The following STXBP5 variants were observed in gnomAD, a reference collection of about 807,000 sequenced individuals.
STXBP5 encodes syntaxin binding protein 5.
STXBP5 carries 50 observed loss-of-function variants against 152.4 expected under a neutral mutation model. The ratio of observed to expected loss-of-function variants is 0.33; its 90% CI spans 0.26 to 0.42. STXBP5 has a LOEUF of 0.42. Ranked by LOEUF, STXBP5 falls within the 10% of genes least tolerant of loss-of-function variation. The pLI, the probability that STXBP5 is intolerant of heterozygous loss-of-function variation, is 1.00. For missense variants in STXBP5, 1,167 were observed against 1,388.6 expected, an observed-to-expected ratio of 0.84 and a Z score of 2.54; for synonymous variants, 492 against 494.7, an observed-to-expected ratio of 0.99 and a Z score of 0.07.
intron 2 of STXBP5, among the ~76,000 whole-genome samples, chr6:147,209,499 AG>A (rs1295977350): frequency 1.3e-5 from 2 of 152,054 alleles, no homozygotes; most frequent in African/African-American, 4.8e-5. Context: ...TCCTTGAATT[AG>A]TTTTTTTTTT....
At chr6:147,285,772 T>A (rs1472598380) in intron 8 of STXBP5, among the ~76,000 whole-genome samples, 3 of 152,196 alleles carry the variant, frequency 2.0e-5, no homozygotes, top group African/African-American at 7.2e-5. Flanking sequence ...TGGAAGCGTT[T>A]AGCAAATACC....
At chr6:147,257,372 C>G (rs1779421957) in intron 4 of STXBP5, among the ~76,000 whole-genome samples, 1 of 151,396 alleles carries the variant, frequency 6.6e-6, no homozygotes, top group African/African-American at 2.4e-5. Flanking sequence ...AATAAATAAC[C>G]TTATTAGTGT....
At position 147,363,475 on chromosome 6, in the gene STXBP5, C is replaced by T. The variant is rs143796366; in HGVS notation, c.2686C>T (p.Arg896Trp). 397 of 1,614,066 alleles carry T rather than the reference C, an allele frequency of 2.5e-4. No individual in the cohort carries two copies. Among genetic ancestry groups the T allele is most frequent in the South Asian group, 3.3e-4 (30 of 91,080 alleles). ...EKDEKEKLKK[R>W]RPVSVSPSSS... ...AGACGAAAAGGAGAAATTGAAAAAA[C>T]GGCGGCCTGTCTCAGTATCCCCCTC... The change falls in exon 24 of 28, where the codon CGG becomes TGG. Residue 896 changes from arginine (R) to tryptophan (W), a missense_variant. By Grantham distance (101) the Arg-to-Trp change is moderately radical. Transcript: ENST00000321680.
Position 147,260,768 on chromosome 6 carries a change from T to C in STXBP5, c.566+19T>C. The stretch of plus-strand genomic sequence containing the variant: ...TTGAACTGTGAGTTTGAACAAATAT[T>C]TTGTATCTGAAAGCATCAGTTCTAT... On this transcript the variant is annotated intron_variant, in intron 5 of 27. Transcript: ENST00000321680. The C allele has an allele frequency of 6.2e-7, 1 of 1,611,006 alleles. No homozygotes were observed. Among genetic ancestry groups the C allele is most frequent in the Non-Finnish European group, 8.5e-7 (1 of 1,178,744 alleles).
chr6:147,359,384 T>A, intron 23 of STXBP5, 61 bp downstream of exon 23: 1 of 1,543,062 alleles, frequency 6.5e-7, no homozygotes, highest in Non-Finnish European at 8.7e-7. Flanking sequence ...GATAGAAGCC[T>A]TTGTTTTTCA....
intron 4 of STXBP5, among the ~76,000 whole-genome samples, chr6:147,246,464 T>G (rs1778813930): frequency 6.6e-6 from 1 of 152,184 alleles, no homozygotes; most frequent in South Asian, 2.1e-4. Context: ...TGTAAAACCT[T>G]TTCACATAAA....
At chr6:147,328,633 C>T (rs1441274913) in intron 18 of STXBP5, 9 of 439,042 alleles carry the variant, frequency 2.0e-5, no homozygotes, top group Non-Finnish European at 4.2e-5. Context: ...AGATTGTTGT[C>T]CCAACCATAC....
intron 2 of STXBP5, among the ~76,000 whole-genome samples, chr6:147,211,224 G>A (rs1476317837): frequency 3.3e-5 from 5 of 151,118 alleles, no homozygotes; most frequent in African/African-American, 1.2e-4. Flanking sequence ...CAGGAGAATC[G>A]CTTGAACCCG....
chr6:147,272,333 C>T (rs73584531), intron 7 of STXBP5, among the ~76,000 whole-genome samples: 3,249 of 152,142 alleles, frequency 0.021, 88 homozygotes, highest in African/African-American at 0.071. Context: ...AACACAGATG[C>T]CTAAGTCATA....
intron 21 of STXBP5, 45 bp downstream of exon 21, chr6:147,339,429 G>A (rs1322634813): frequency 2.9e-6 from 4 of 1,402,108 alleles, no homozygotes; most frequent in Non-Finnish European, 3.8e-6. Flanking sequence ...CTTGCTATAT[G>A]CAGTGCTAAC....
chr6:147,237,962 T>C (rs1416690497), intron 3 of STXBP5, among the ~76,000 whole-genome samples: 1 of 152,226 alleles, frequency 6.6e-6, no homozygotes, highest in African/African-American at 2.4e-5. Context: ...AACATTCAGA[T>C]GTCTTAATAA....
chr6:147,390,381 G>A lies in STXBP5; in HGVS notation c.*5626G>A, dbSNP rs1224435194. 1 of 151,742 alleles carries A rather than the reference G, an allele frequency of 6.6e-6. No homozygotes were observed. Among genetic ancestry groups the A allele is most frequent in the African/African-American group, 2.4e-5 (1 of 41,344 alleles). 9.4% of individuals were successfully genotyped at this position (151,742 alleles called of 1,614,324 possible). A position where few individuals can be genotyped will look rare whatever the true frequency, so the allele number is the denominator to read the frequency against. On this transcript the variant is annotated 3_prime_UTR_variant, in exon 28 of 28. Coordinates refer to ENST00000321680, the MANE Select transcript of STXBP5 (RefSeq NM_001127715.4). ...TATTATAAATTAATTAATGTTTCTG[G>A]AAAATGTTCATATATATGTATATGA...
chr6:147,279,813 G>A (rs1003780917), intron 8 of STXBP5, among the ~76,000 whole-genome samples: 9 of 152,164 alleles, frequency 5.9e-5, no homozygotes, highest in African/African-American at 2.2e-4. Context: ...TAACCCTGCT[G>A]GAACCTACGA....
chr6:147,288,373 A>C (rs1582894794), intron 8 of STXBP5, among the ~76,000 whole-genome samples: 2 of 152,092 alleles, frequency 1.3e-5, no homozygotes, highest in South Asian at 4.1e-4. Flanking sequence ...ATACTACTGC[A>C]TTTTCATGGC....
At chr6:147,307,750 T>A (rs1387329524) in intron 9 of STXBP5, among the ~76,000 whole-genome samples, 1 of 152,194 alleles carries the variant, frequency 6.6e-6, no homozygotes, top group Non-Finnish European at 1.5e-5. Flanking sequence ...GAAAATTACC[T>A]TGGTGACAGG....
chr6:147,247,875 C>A (rs929564479), intron 4 of STXBP5, among the ~76,000 whole-genome samples: 2 of 151,788 alleles, frequency 1.3e-5, no homozygotes, highest in African/African-American at 4.8e-5. Context: ...TGTTCTAGTT[C>A]CAAAAGGGCC....
chr6:147,322,207 C>G (rs550114843), intron 16 of STXBP5, among the ~76,000 whole-genome samples: 1 of 152,242 alleles, frequency 6.6e-6, no homozygotes, highest in Admixed American at 6.5e-5. Context: ...CCACTCAGAC[C>G]CTTCAGTCTA....
Position 147,292,046 on chromosome 6 carries a change from T to C in STXBP5, c.917+874T>C, listed in dbSNP as rs1425181458. Among the ~76,000 whole-genome samples, 10 of 152,168 alleles carry C rather than the reference T, an allele frequency of 6.6e-5. No homozygotes were observed. The East Asian group carries it at 1.7e-3, about 26-fold the overall frequency. ...GGGACCCAGCAATCTGTGTTTTAACTAGACCTACAGGAAATGCTGATGCAC... is the reference window on the plus strand; with the variant it reads ...GGGACCCAGCAATCTGTGTTTTAACCAGACCTACAGGAAATGCTGATGCAC... On this transcript the variant is annotated intron_variant, in intron 9 of 27. Coordinates refer to ENST00000321680, the MANE Select transcript of STXBP5 (RefSeq NM_001127715.4).
At chr6:147,272,132 T>C (rs1780201519) in intron 7 of STXBP5, among the ~76,000 whole-genome samples, 1 of 152,184 alleles carries the variant, frequency 6.6e-6, no homozygotes, top group South Asian at 2.1e-4. Flanking sequence ...TGAAAATGTT[T>C]CCCACAAAGA....
Sources: allele counts gnomAD v4.1 joint callset (sites outside exome capture counted in the v4.1 genomes callset), GRCh38; gene constraint gnomAD v4.1.1; transcripts MANE v1.5; gene names NCBI Gene and HGNC (gene_info 2026-07-23, HGNC 2026-07-21).